The following PDZD9 variants were observed in gnomAD, a reference collection of about 807,000 sequenced individuals.
The protein encoded by PDZD9 is PDZ domain-containing protein 9.
In PDZD9, 13 loss-of-function variants were observed where a neutral mutation model predicts 16.3. The observed-to-expected ratio is 0.80, with a 90% CI of 0.52 to 1.27. The LOEUF is 1.27. Among genes scored for constraint, PDZD9 ranks in the 50% most tolerant of loss-of-function variants. PDZD9 has a pLI of 0.00. For synonymous variants in PDZD9, 120 were observed against 111.0 expected (o/e 1.08, Z -0.51); for missense variants, 288 against 310.9 (o/e 0.93, Z 0.55).
the PDZD9 span, among the ~76,000 whole-genome samples, chr16:21,977,377 A>G: frequency 1.3e-5 from 2 of 152,136 alleles, no homozygotes; most frequent in African/African-American, 4.8e-5. Context: ...ATGTATTTCT[A>G]AGTCACAAAT....
chr16:21,968,711 T>A, the PDZD9 span: 5 of 1,591,256 alleles, frequency 3.1e-6, no homozygotes, highest in South Asian at 4.6e-5. Flanking sequence ...TGCCTGCCTG[T>A]CAGTTTGCTT....
At chr16:21,968,588 T>G in the PDZD9 span, 2 of 1,509,094 alleles carry the variant, frequency 1.3e-6, no homozygotes, top group Non-Finnish European at 1.8e-6. Flanking sequence ...TTTTTATATT[T>G]ATGCTAATAT....
the PDZD9 span, among the ~76,000 whole-genome samples, chr16:21,972,969 G>A: frequency 3.9e-5 from 6 of 152,214 alleles, no homozygotes; most frequent in Admixed American, 6.5e-5. Context: ...GCGTGGTGGC[G>A]CACGCCTGTA....
At position 21,984,067 on chromosome 16, in the gene PDZD9, AT is replaced by A. The variant is rs1898805265; in HGVS notation, c.*199del. ...AGGAGGGTCTTATTCTGAAAATAAG[AT>A]TTGTGAGGCCTGCAAGAACCCAAGG... On this transcript the variant is annotated 3_prime_UTR_variant, in exon 4 of 4. Transcript: ENST00000424898. The A allele has an allele frequency of 2.0e-6, 1 of 504,472 alleles. No homozygotes were observed. Among genetic ancestry groups the A allele is most frequent in the Non-Finnish European group, 3.4e-6 (1 of 292,696 alleles). The allele number at this position is 504,472 out of a possible 1,614,324, so 31.2% of individuals were successfully genotyped here.
At chr16:21,980,572 A>T, downstream of PDZD9, 1 of 1,614,142 alleles carries the variant, frequency 6.2e-7, no homozygotes, top group East Asian at 2.2e-5. Flanking sequence ...TGGATACCTA[A>T]TGTCAGTGGA....
the PDZD9 span, among the ~76,000 whole-genome samples, chr16:21,969,231 A>G: frequency 6.6e-6 from 1 of 152,152 alleles, no homozygotes; most frequent in South Asian, 2.1e-4. Flanking sequence ...GATCTTTTTG[A>G]ACATATCTGT....
At chr16:21,995,063 G>A (rs1899113127) in intron 2 of PDZD9, among the ~76,000 whole-genome samples, 1 of 152,106 alleles carries the variant, frequency 6.6e-6, no homozygotes, top group South Asian at 2.1e-4. Context: ...ATGTTCAACT[G>A]TAGTCCCCGG....
At chr16:21,967,328 T>G in the PDZD9 span, among the ~76,000 whole-genome samples, 2 of 152,236 alleles carry the variant, frequency 1.3e-5, no homozygotes, top group Admixed American at 1.3e-4. Context: ...CGTTATCACT[T>G]TCCTTCCTGA....
At chr16:21,968,702 G>A in the PDZD9 span, 86 of 1,596,692 alleles carry the variant, frequency 5.4e-5, no homozygotes, top group East Asian at 9.5e-4. Flanking sequence ...TTAGAGTATT[G>A]CCTGCCTGTC....
Position 21,988,648 on chromosome 16 carries a change from G to A in PDZD9, c.355C>T (p.Gln119Ter). 6.2e-7 allele frequency: 1 copy of A among 1,612,906 alleles called. No homozygotes were observed. The highest frequency in any genetic ancestry group is 8.5e-7 in the Non-Finnish European group (1 of 1,179,466). Residue 119 changes from glutamine (Q) to a stop codon, truncating the protein, a stop_gained, in exon 3 of 4, where the codon CAA (glutamine) becomes TAA (stop). Coordinates refer to ENST00000424898, the MANE Select transcript of PDZD9 (RefSeq NM_001363519.1). LOFTEE classifies it low-confidence loss of function (END_TRUNC). ...TCAGGGATTAAATCATATATTTCTT[G>A]CCATTCTTCAGGAATGTTAATAAAA... ...RDFINIPEEW[Q>*]EIYDLIPEAK...
chr16:21,967,159 T>A, the PDZD9 span, among the ~76,000 whole-genome samples: 106 of 152,206 alleles, frequency 7.0e-4, no homozygotes, highest in Admixed American at 1.8e-3. Flanking sequence ...GCTAGAATAC[T>A]TGGAGCAATG....
At chr16:21,962,953 G>GA in the PDZD9 span, 11 of 1,510,488 alleles carry the variant, frequency 7.3e-6, no homozygotes, top group South Asian at 2.6e-5. Flanking sequence ...ATTTATAGAA[G>GA]AAAAAAAATT....
At chr16:21,969,426 G>A in the PDZD9 span, among the ~76,000 whole-genome samples, 1 of 152,058 alleles carries the variant, frequency 6.6e-6, no homozygotes, top group South Asian at 2.1e-4. Flanking sequence ...CCCAGCTATC[G>A]GGGGGCTGAG....
downstream of PDZD9, chr16:21,980,380 T>A: frequency 2.8e-6 from 2 of 727,026 alleles, no homozygotes; most frequent in Non-Finnish European, 4.4e-6. Flanking sequence ...TTTAGTATGT[T>A]CCAGAGAAGG....
At chr16:21,971,582 G>A in the PDZD9 span, 3 of 1,614,130 alleles carry the variant, frequency 1.9e-6, no homozygotes, top group Non-Finnish European at 2.5e-6. Context: ...ATGAGGGGTG[G>A]GCTTGGTTTA....
At chr16:21,980,791 G>C, downstream of PDZD9, 1 of 1,467,170 alleles carries the variant, frequency 6.8e-7, no homozygotes, top group Non-Finnish European at 9.2e-7. Context: ...CTTGGGCAGT[G>C]TATTATTCTT....
chr16:21,980,221 T>C (rs969179805), downstream of PDZD9: 2 of 254,898 alleles, frequency 7.8e-6, no homozygotes, highest in Non-Finnish European at 1.6e-5. Flanking sequence ...CACAACCGGA[T>C]CCAGAGGCCT....
At chr16:21,975,500 C>T in the PDZD9 span, among the ~76,000 whole-genome samples, 7 of 152,238 alleles carry the variant, frequency 4.6e-5, no homozygotes, top group Admixed American at 2.0e-4. Context: ...GTAGCAGACC[C>T]AGCCAGCACT....
At chr16:21,980,692 A>C, downstream of PDZD9, 1 of 1,612,392 alleles carries the variant, frequency 6.2e-7, no homozygotes, top group South Asian at 1.1e-5. Context: ...TAATGCTGAT[A>C]TCATAAATGT....
Sources: gnomAD v4.1 joint callset for allele counts (sites outside exome capture counted in the v4.1 genomes callset) on GRCh38, gnomAD v4.1.1 for gene constraint, MANE v1.5 for transcripts, NCBI Gene and HGNC (gene_info 2026-07-23, HGNC 2026-07-21) for gene names.